SLC24A2: variants seen among roughly 807,000 people sequenced by gnomAD.
SLC24A2 encodes solute carrier family 24 member 2, also known as sodium/potassium/calcium exchanger 2.
Under a neutral mutation model 62.0 loss-of-function variants are expected in SLC24A2, and 36 were observed. That is an observed-to-expected ratio of 0.58 (90% confidence interval 0.44 to 0.77). The LOEUF is 0.77. Among genes scored for constraint, SLC24A2 ranks in the 30% least tolerant of loss-of-function variants. The pLI is 0.00. For synonymous variants in SLC24A2, 358 were observed against 294.0 expected (o/e 1.22, Z -2.23); for missense variants, 846 against 817.9 (o/e 1.03, Z -0.42).
At chr9:20,040,878 CTG>C in the SLC24A2 span, among the ~76,000 whole-genome samples, 122 of 152,342 alleles carry the variant, frequency 8.0e-4, 2 homozygotes, top group South Asian at 0.023. Flanking sequence ...GTTTGTCTAC[CTG>C]TGGCAGACAA....
At chr9:19,696,306 T>C (rs958228082) in intron 2 of SLC24A2, among the ~76,000 whole-genome samples, 2 of 152,230 alleles carry the variant, frequency 1.3e-5, no homozygotes, top group African/African-American at 4.8e-5. Context: ...TTGGGACCAT[T>C]GCTTTAAGGA....
the SLC24A2 span, among the ~76,000 whole-genome samples, chr9:20,228,080 A>G: frequency 6.6e-6 from 1 of 152,124 alleles, no homozygotes; most frequent in Non-Finnish European, 1.5e-5. Flanking sequence ...CACCCCTTAT[A>G]ACACAAACAC....
At chr9:19,974,895 G>T in the SLC24A2 span, among the ~76,000 whole-genome samples, 8 of 152,284 alleles carry the variant, frequency 5.3e-5, no homozygotes, top group East Asian at 1.5e-3. Context: ...GTCCCGTCAG[G>T]GTTACAAGAT....
chr9:20,194,371 C>G, the SLC24A2 span, among the ~76,000 whole-genome samples: 2 of 152,058 alleles, frequency 1.3e-5, 1 homozygote, highest in South Asian at 4.1e-4. Flanking sequence ...ATTCCAGATC[C>G]TTTGGTACTC....
the SLC24A2 span, among the ~76,000 whole-genome samples, chr9:20,211,408 C>T: frequency 1.3e-5 from 2 of 151,944 alleles, no homozygotes; most frequent in African/African-American, 4.8e-5. Context: ...GCTACTAGGG[C>T]GGCTGAGGCA....
the SLC24A2 span, among the ~76,000 whole-genome samples, chr9:20,294,769 C>A: frequency 1.3e-5 from 2 of 152,094 alleles, no homozygotes; most frequent in Non-Finnish European, 2.9e-5. Context: ...AAGGCACCAT[C>A]CTCAACCTCA....
At chr9:20,021,790 G>A in the SLC24A2 span, among the ~76,000 whole-genome samples, 1 of 151,708 alleles carries the variant, frequency 6.6e-6, no homozygotes, top group Non-Finnish European at 1.5e-5. Flanking sequence ...AGTATTTTCA[G>A]TATATTATTA....
the SLC24A2 span, among the ~76,000 whole-genome samples, chr9:20,056,093 A>G: frequency 2.0e-5 from 3 of 152,190 alleles, no homozygotes; most frequent in African/African-American, 7.2e-5. Context: ...GATCATATGT[A>G]AAATGGTAAT....
chr9:19,558,176 A>C (rs1179146697), intron 7 of SLC24A2, among the ~76,000 whole-genome samples: 3 of 152,166 alleles, frequency 2.0e-5, no homozygotes, highest in African/African-American at 7.2e-5. Flanking sequence ...GTCATATAAC[A>C]TCCACGGCAG....
the SLC24A2 span, among the ~76,000 whole-genome samples, chr9:19,993,552 T>C: frequency 1.8e-4 from 27 of 152,188 alleles, no homozygotes; most frequent in Admixed American, 1.2e-3. Flanking sequence ...ATATGTGCAG[T>C]CATTCAACAC....
chr9:20,074,269 T>G, the SLC24A2 span, among the ~76,000 whole-genome samples: 2 of 151,928 alleles, frequency 1.3e-5, no homozygotes, highest in Admixed American at 6.6e-5. Context: ...CCTTCACACC[T>G]CCAGGGAAGC....
chr9:20,134,674 A>G, the SLC24A2 span, among the ~76,000 whole-genome samples: 1 of 152,180 alleles, frequency 6.6e-6, no homozygotes, highest in Non-Finnish European at 1.5e-5. Context: ...GTTTTCTTTG[A>G]AAAATTCTAA....
chr9:20,275,897 G>C, the SLC24A2 span, among the ~76,000 whole-genome samples: 1 of 152,074 alleles, frequency 6.6e-6, no homozygotes, highest in African/African-American at 2.4e-5. Flanking sequence ...CTCAGGTCTC[G>C]CGAGACTTAT....
At chr9:19,575,729 G>C (rs1835990515) in intron 6 of SLC24A2, among the ~76,000 whole-genome samples, 2 of 152,164 alleles carry the variant, frequency 1.3e-5, no homozygotes, top group Non-Finnish European at 2.9e-5. Flanking sequence ...CCAGTCATTA[G>C]GAGGAGGAGG....
chr9:20,117,055 A>G, the SLC24A2 span, among the ~76,000 whole-genome samples: 3 of 152,152 alleles, frequency 2.0e-5, no homozygotes, highest in Non-Finnish European at 2.9e-5. Context: ...CCTTCATTTC[A>G]TCTGGCAGGA....
chr9:19,541,010 C>G, intron 8 of SLC24A2, among the ~76,000 whole-genome samples: 1 of 109,516 alleles, frequency 9.1e-6, no homozygotes, highest in South Asian at 4.0e-4. Context: ...GCTCCTGAGG[C>G]TTCTGCATTC....
chr9:19,761,716 G>A (rs1822337356), intron 2 of SLC24A2, among the ~76,000 whole-genome samples: 1 of 151,826 alleles, frequency 6.6e-6, no homozygotes, highest in African/African-American at 2.4e-5. Context: ...CCACCTATGA[G>A]TGAAAACATG....
At chr9:20,236,087 C>T in the SLC24A2 span, among the ~76,000 whole-genome samples, 2 of 152,170 alleles carry the variant, frequency 1.3e-5, no homozygotes, top group Non-Finnish European at 2.9e-5. Context: ...GAACCCAGCA[C>T]AGCAAATGAG....
chr9:20,117,108 G>A, the SLC24A2 span, among the ~76,000 whole-genome samples: 128 of 152,214 alleles, frequency 8.4e-4, no homozygotes, highest in Middle Eastern at 3.4e-3. Context: ...GAGCCCCACC[G>A]ACTACGCCAT....
Sources: allele counts gnomAD v4.1 joint callset (sites outside exome capture counted in the v4.1 genomes callset), GRCh38; gene constraint gnomAD v4.1.1; transcripts MANE v1.5; gene names NCBI Gene and HGNC (gene_info 2026-07-23, HGNC 2026-07-21).